Variants in SSR1 observed in about 807,000 individuals in gnomAD.
SSR1 encodes the protein translocon-associated protein subunit alpha.
In SSR1, 13 loss-of-function variants were observed where a neutral mutation model predicts 36.1. The ratio of observed to expected loss-of-function variants is 0.36; its 90% CI spans 0.23 to 0.57. The LOEUF (loss-of-function observed/expected upper bound fraction) is 0.57. SSR1 is among the 20% of genes least tolerant of loss of function. SSR1 has a pLI of 0.81. For synonymous variants in SSR1, 113 were observed against 118.9 expected (o/e 0.95, Z 0.32); for missense variants, 291 against 338.5 (o/e 0.86, Z 1.10).
At chr6:7,300,783 C>T (rs1021453654) in intron 4 of SSR1, among the ~76,000 whole-genome samples, 22 of 152,290 alleles carry the variant, frequency 1.4e-4, no homozygotes, top group African/African-American at 4.1e-4. Flanking sequence ...GCTGGGATTA[C>T]AGGCGACTGC....
intron 2 of SSR1, among the ~76,000 whole-genome samples, chr6:7,306,610 G>A (rs892562445): frequency 1.2e-4 from 19 of 152,074 alleles, no homozygotes; most frequent in African/African-American, 3.9e-4. Context: ...AATAATCAAT[G>A]GGTTAGAAAA....
chr6:7,303,276 G>A (rs931558556), intron 3 of SSR1, among the ~76,000 whole-genome samples: 11 of 151,912 alleles, frequency 7.2e-5, no homozygotes, highest in Admixed American at 7.2e-4. Flanking sequence ...GCAGTGAGTC[G>A]AGAGGGGGCC....
chr6:7,301,773 T>C (rs1378542462), intron 3 of SSR1, among the ~76,000 whole-genome samples: 1 of 152,214 alleles, frequency 6.6e-6, no homozygotes, highest in African/African-American at 2.4e-5. Context: ...GTCTGTACGC[T>C]AGCACTCCCA....
chr6:7,301,234 G>A, intron 4 of SSR1, 76 bp downstream of exon 4: 3 of 1,524,666 alleles, frequency 2.0e-6, no homozygotes, highest in East Asian at 4.5e-5. Flanking sequence ...TGAATGAACA[G>A]ATATATTCTA....
intron 7 of SSR1, among the ~76,000 whole-genome samples, chr6:7,293,272 C>G (rs762497735): frequency 2.0e-5 from 3 of 151,556 alleles, no homozygotes; most frequent in African/African-American, 4.9e-5. Context: ...GTGGTGACTT[C>G]TGAGACTCTG....
chr6:7,290,916 CAG>C (rs1049559361), intron 7 of SSR1, among the ~76,000 whole-genome samples: 4 of 151,538 alleles, frequency 2.6e-5, no homozygotes, highest in African/African-American at 9.7e-5. Flanking sequence ...TTTTTTGAGA[CAG>C]AGTCTCACTC....
At chr6:7,312,090 G>T (rs1429983148) in intron 1 of SSR1, among the ~76,000 whole-genome samples, 1 of 152,150 alleles carries the variant, frequency 6.6e-6, no homozygotes, top group Non-Finnish European at 1.5e-5. Flanking sequence ...AAGACACACA[G>T]CTTGCTTAAA....
At chr6:7,309,892 A>G in intron 2 of SSR1, 25 bp downstream of exon 2, 1 of 1,467,846 alleles carries the variant, frequency 6.8e-7, no homozygotes. Flanking sequence ...CATTTTACAT[A>G]TATTAAATAG....
chr6:7,295,130 G>T, intron 7 of SSR1: 1 of 1,515,260 alleles, frequency 6.6e-7, no homozygotes, highest in Non-Finnish European at 8.8e-7. Flanking sequence ...AAAGAGACAG[G>T]AAATGGATTA....
rs1484889630 is a variant in SSR1, at chr6:7,287,168, T to G, written c.*2696A>C. ...TATATGAGGCTCGCCTATTACTATATTGATCTACTGTACCTCGAAAATAAC... is the reference window on the plus strand; with the variant it reads ...TATATGAGGCTCGCCTATTACTATAGTGATCTACTGTACCTCGAAAATAAC... On this transcript the variant is annotated 3_prime_UTR_variant, in exon 8 of 8. Coordinates refer to ENST00000244763, the MANE Select transcript of SSR1 (RefSeq NM_003144.5). 1 of 152,150 alleles carries G rather than the reference T, an allele frequency of 6.6e-6. No homozygotes were observed. The highest frequency in any genetic ancestry group is 6.6e-5 in the Admixed American group (1 of 15,264). The allele number at this position is 152,150 out of a possible 1,614,324, so 9.4% of individuals were successfully genotyped here. A position where few individuals can be genotyped will look rare whatever the true frequency, so the allele number is the denominator to read the frequency against.
chr6:7,307,673 C>G (rs993789085), intron 2 of SSR1, among the ~76,000 whole-genome samples: 1 of 152,230 alleles, frequency 6.6e-6, no homozygotes, highest in Non-Finnish European at 1.5e-5. Context: ...GTTAGGATTA[C>G]AGGCGCAAGC....
intron 6 of SSR1, among the ~76,000 whole-genome samples, chr6:7,297,449 G>A (rs1757825769): frequency 6.6e-6 from 1 of 152,050 alleles, no homozygotes; most frequent in Admixed American, 6.6e-5. Flanking sequence ...AATGAGGCCA[G>A]GTGCAGTGGC....
chr6:7,297,153 G>T, intron 6 of SSR1: 1 of 330,544 alleles, frequency 3.0e-6, no homozygotes, highest in South Asian at 2.2e-5. Context: ...CCCGAAGGCG[G>T]AGGTTGCAGT....
At chr6:7,305,313 C>G (rs1758031670) in intron 2 of SSR1, among the ~76,000 whole-genome samples, 1 of 152,164 alleles carries the variant, frequency 6.6e-6, no homozygotes, top group Admixed American at 6.5e-5. Context: ...ATGAAACTAT[C>G]CTGTGAAGAG....
At chr6:7,306,668 G>A (rs1252002265) in intron 2 of SSR1, among the ~76,000 whole-genome samples, 1 of 150,470 alleles carries the variant, frequency 6.6e-6, no homozygotes, top group Non-Finnish European at 1.5e-5. Context: ...TGTAATCCCA[G>A]CACTTCGGGA....
chr6:7,309,394 C>T (rs990583603), intron 2 of SSR1, among the ~76,000 whole-genome samples: 1 of 152,186 alleles, frequency 6.6e-6, no homozygotes. Context: ...CCCAGGAGTT[C>T]GAGGCTGCAG....
intron 7 of SSR1, among the ~76,000 whole-genome samples, chr6:7,292,111 A>G (rs1190605710): frequency 1.3e-5 from 2 of 152,154 alleles, no homozygotes; most frequent in Non-Finnish European, 1.5e-5. Flanking sequence ...GACTTGAGCT[A>G]CCACTGATGC....
Position 7,283,740 on chromosome 6 carries a change from G to A in SSR1, c.*6124C>T, listed in dbSNP as rs1336182488. ...GATAGCAGAAACAAATACAGGCAGT[G>A]CCTCAGAGAATACAAAATATCAAGC... On this transcript the variant is annotated 3_prime_UTR_variant, in exon 8 of 8. Transcript: ENST00000244763. 6.6e-6 allele frequency: 1 copy of A among 152,148 alleles called. No individual in the cohort carries two copies. The highest frequency in any genetic ancestry group is 1.5e-5 in the Non-Finnish European group (1 of 68,062). 9.4% of individuals were successfully genotyped at this position (152,148 alleles called of 1,614,324 possible).
intron 3 of SSR1, among the ~76,000 whole-genome samples, chr6:7,303,138 TA>T (rs35763826): frequency 1.6e-3 from 68 of 42,914 alleles, no homozygotes; most frequent in East Asian, 2.6e-3. Flanking sequence ...GACTACATCT[TA>T]AAAAAAAAAA....
Sources: gnomAD v4.1 joint callset for allele counts (sites outside exome capture counted in the v4.1 genomes callset) on GRCh38, gnomAD v4.1.1 for gene constraint, MANE v1.5 for transcripts, NCBI Gene and HGNC (gene_info 2026-07-23, HGNC 2026-07-21) for gene names.